The following LTBP1 variants were observed in gnomAD, a reference collection of about 807,000 sequenced individuals.
LTBP1 encodes latent transforming growth factor beta binding protein 1.
LTBP1 carries 129 observed loss-of-function variants against 207.6 expected under a neutral mutation model. The ratio of observed to expected loss-of-function variants is 0.62; its 90% CI spans 0.54 to 0.72. LTBP1 has a LOEUF of 0.72. Ranked by LOEUF, LTBP1 falls within the 30% of genes least tolerant of loss-of-function variation. LTBP1 has a pLI of 0.00. For synonymous variants in LTBP1, 963 were observed against 833.7 expected (o/e 1.16, Z -2.67); for missense variants, 2,281 against 2,217.2 (o/e 1.03, Z -0.58).
chr2:32,979,524 C>T (rs1408696228), intron 2 of LTBP1, among the ~76,000 whole-genome samples: 1 of 151,934 alleles, frequency 6.6e-6, no homozygotes, highest in Non-Finnish European at 1.5e-5. Flanking sequence ...GAATTGATTT[C>T]TGGTTTTATT....
At chr2:33,032,125 C>T (rs150224938) in intron 3 of LTBP1, among the ~76,000 whole-genome samples, 92 of 152,270 alleles carry the variant, frequency 6.0e-4, no homozygotes, top group African/African-American at 2.1e-3. Context: ...GTTGATCTCT[C>T]TCTCTACCTA....
rs189450261 is a variant in LTBP1 at position 33,259,345 on chromosome 2, A to G, written c.2396-243A>G. 4.6e-5 allele frequency among the ~76,000 whole-genome samples: 7 copies of G among 152,342 alleles called. 1 individual carries two copies. The East Asian group carries it at 9.6e-4, about 21-fold the overall frequency. ...TTAATTTTAATTCTGAAAGAGTTTG[A>G]AAGACTTGTTCACATCTTCTCCATG... On this transcript the variant is annotated intron_variant, in intron 12 of 33. Coordinates refer to ENST00000404816, the MANE Select transcript of LTBP1 (RefSeq NM_206943.4).
chr2:33,014,278 A>C (rs1471605445), intron 2 of LTBP1, among the ~76,000 whole-genome samples: 1 of 152,012 alleles, frequency 6.6e-6, no homozygotes, highest in Non-Finnish European at 1.5e-5. Context: ...TTTTCTCTTT[A>C]GGGATTTTGG....
chr2:33,154,024 GT>G (rs969286167), intron 5 of LTBP1, among the ~76,000 whole-genome samples: 4 of 152,214 alleles, frequency 2.6e-5, no homozygotes, highest in Admixed American at 6.5e-5. Context: ...GCACTTCTCT[GT>G]GCCAGTTCTT....
intron 18 of LTBP1, 118 bp downstream of exon 18, chr2:33,276,041 T>C (rs1286909570): frequency 7.7e-7 from 1 of 1,290,688 alleles, no homozygotes; most frequent in African/African-American, 1.5e-5. Flanking sequence ...ATCCAAGCTC[T>C]TTCTGCTTCC....
Position 33,205,347 on chromosome 2 carries a change from G to A in LTBP1, c.1702-12205G>A, listed in dbSNP as rs150655388. Reference sequence around the variant, plus strand: ...TCGTTTCTCTTCCTCACCAGCTTGCGCTTTTTATAAGGCCAGGATCACTTA... The same window carrying A: ...TCGTTTCTCTTCCTCACCAGCTTGCACTTTTTATAAGGCCAGGATCACTTA... On this transcript the variant is annotated intron_variant, in intron 7 of 33. Coordinates refer to ENST00000404816, the MANE Select transcript of LTBP1 (RefSeq NM_206943.4). 5.1e-4 allele frequency among the ~76,000 whole-genome samples: 77 copies of A among 152,250 alleles called. No individual in the cohort carries two copies. The East Asian group carries it at 0.011, about 23-fold the overall frequency.
chr2:33,397,524 T>TTTTA (rs2095369842), intron 33 of LTBP1, among the ~76,000 whole-genome samples: 1 of 148,852 alleles, frequency 6.7e-6, no homozygotes. Context: ...TTTTTTTTTT[T>TTTTA]GAGATGGAGT....
chr2:33,042,480 G>C (rs755521952), intron 3 of LTBP1, among the ~76,000 whole-genome samples: 14 of 152,174 alleles, frequency 9.2e-5, no homozygotes, highest in Admixed American at 2.0e-4. Context: ...GAGGGACTTT[G>C]ATCTTCAGTC....
At chr2:33,145,509 G>A (rs2082954714) in intron 5 of LTBP1, among the ~76,000 whole-genome samples, 1 of 152,218 alleles carries the variant, frequency 6.6e-6, no homozygotes, top group East Asian at 1.9e-4. Context: ...AAGTTAGGAA[G>A]TATCCTAGAG....
chr2:32,957,393 T>C (rs954119803), intron 2 of LTBP1, among the ~76,000 whole-genome samples: 4 of 152,168 alleles, frequency 2.6e-5, no homozygotes, highest in African/African-American at 9.7e-5. Context: ...TAGAGGCCAT[T>C]GTAGGGTTAT....
chr2:33,110,634 G>A lies in LTBP1; in HGVS notation c.916G>A (p.Glu306Lys). The change falls in exon 4 of 34, where the codon GAA becomes AAA. Residue 306 changes from glutamate (E) to lysine (K), a missense_variant. Physicochemically the swap from Glu to Lys is moderately conservative, Grantham distance 56. Transcript: ENST00000404816. ...SVVIHHGQTQ[E>K]YVLKPKYFPA... is the part of the protein sequence containing the mutation. The stretch of plus-strand genomic sequence containing the variant: ...GGTGATTCACCATGGCCAGACCCAG[G>A]AATACGTGCTCAAGCCCAAGTACTT... 1 of 1,614,130 alleles carries A rather than the reference G, an allele frequency of 6.2e-7. No homozygotes were observed. The highest frequency in any genetic ancestry group is 8.5e-7 in the Non-Finnish European group (1 of 1,179,998).
intron 4 of LTBP1, among the ~76,000 whole-genome samples, chr2:33,119,676 C>G (rs907910699): frequency 6.6e-6 from 1 of 152,188 alleles, no homozygotes; most frequent in African/African-American, 2.4e-5. Flanking sequence ...TCTGCCTCAG[C>G]TTCCCGAGTA....
intron 24 of LTBP1, among the ~76,000 whole-genome samples, chr2:33,326,683 G>A (rs908363913): frequency 1.0e-4 from 6 of 57,780 alleles, no homozygotes; most frequent in South Asian, 5.2e-4. Context: ...TTTGGAGGCC[G>A]AATCTCGCTC....
chr2:33,259,351 T>G (rs539986527), intron 12 of LTBP1, among the ~76,000 whole-genome samples: 44 of 152,362 alleles, frequency 2.9e-4, no homozygotes, highest in African/African-American at 9.9e-4. Context: ...TTTGAAAGAC[T>G]TGTTCACATC....
intron 31 of LTBP1, among the ~76,000 whole-genome samples, chr2:33,366,984 A>G (rs1451390332): frequency 1.3e-5 from 2 of 152,180 alleles, no homozygotes; most frequent in African/African-American, 4.8e-5. Context: ...AAGAGGTTAT[A>G]TTCCCCTCCA....
rs2094281388 is a variant in LTBP1 at position 33,316,886 on chromosome 2, T to C, written c.3730+1617T>C. Among the ~76,000 whole-genome samples, 4 of 152,290 alleles carry C rather than the reference T, an allele frequency of 2.6e-5. No individual in the cohort carries two copies. In the South Asian group the frequency reaches 8.3e-4, roughly 32 times the overall value. ...ATGCAGGTTTGCTTCTTTGCTTAGC[T>C]CTAAATCATGGATGGTAAAGGCTTG... is the stretch of plus-strand genomic sequence containing the variant. On this transcript the variant is annotated intron_variant, in intron 24 of 33. Transcript: ENST00000404816.
At chr2:33,339,644 A>G (rs2094592880) in intron 24 of LTBP1, among the ~76,000 whole-genome samples, 1 of 150,454 alleles carries the variant, frequency 6.6e-6, no homozygotes, top group Admixed American at 6.6e-5. Context: ...AATTTCATTG[A>G]TTTGTCCTTT....
chr2:33,174,548 G>A (rs2085812107), intron 5 of LTBP1, among the ~76,000 whole-genome samples: 1 of 151,910 alleles, frequency 6.6e-6, no homozygotes, highest in South Asian at 2.1e-4. Context: ...TCATGGGTAG[G>A]AAGAATCAAT....
At chr2:33,108,041 C>G (rs1572668522) in intron 3 of LTBP1, among the ~76,000 whole-genome samples, 1 of 152,106 alleles carries the variant, frequency 6.6e-6, no homozygotes. Flanking sequence ...GCAACGTGGT[C>G]TGAAGTGGAA....
Sources: allele counts gnomAD v4.1 joint callset (sites outside exome capture counted in the v4.1 genomes callset), GRCh38; gene constraint gnomAD v4.1.1; transcripts MANE v1.5; gene names NCBI Gene and HGNC (gene_info 2026-07-23, HGNC 2026-07-21).